Variants in CWC22 observed in about 807,000 individuals in gnomAD.
CWC22 encodes the protein pre-mRNA-splicing factor CWC22 homolog.
In CWC22, 53 loss-of-function variants were observed where a neutral mutation model predicts 117.2. The ratio of observed to expected loss-of-function variants is 0.45; its 90% CI spans 0.36 to 0.57. The LOEUF (loss-of-function observed/expected upper bound fraction) is 0.57. CWC22 is among the 20% of genes least tolerant of loss of function. CWC22 has a pLI of 0.00. For synonymous variants in CWC22, 360 were observed against 355.6 expected, an observed-to-expected ratio of 1.01 and a Z score of -0.14; for missense variants, 980 against 1,068.8, an observed-to-expected ratio of 0.92 and a Z score of 1.16.
chr2:179,992,295 A>G (rs1687587755), intron 2 of CWC22, among the ~76,000 whole-genome samples: 1 of 152,134 alleles, frequency 6.6e-6, no homozygotes, highest in Non-Finnish European at 1.5e-5. Flanking sequence ...ACAGTTTCGA[A>G]AGCAGATGGA....
chr2:179,954,392 A>T (rs778749747), intron 15 of CWC22, 35 bp from the exon 16 acceptor site: 1 of 1,320,760 alleles, frequency 7.6e-7, no homozygotes, highest in South Asian at 1.4e-5. Flanking sequence ...TTAAAAATTG[A>T]ATGTTAATAC....
chr2:179,993,263 T>C (rs912266105), intron 2 of CWC22, 52 bp downstream of exon 2: 10 of 1,236,592 alleles, frequency 8.1e-6, no homozygotes, highest in Non-Finnish European at 1.0e-5. Flanking sequence ...ATTTAAAGAA[T>C]AGGTAATTGA....
intron 19 of CWC22, among the ~76,000 whole-genome samples, chr2:179,946,464 A>AAG (rs1553556646): frequency 8.8e-4 from 81 of 92,486 alleles, no homozygotes; most frequent in African/African-American, 2.9e-3. Flanking sequence ...AAAAAAAAAA[A>AAG]GGGGGGGGGG....
At chr2:179,992,920 C>T (rs1165708887) in intron 2 of CWC22, among the ~76,000 whole-genome samples, 1 of 152,160 alleles carries the variant, frequency 6.6e-6, no homozygotes, top group Non-Finnish European at 1.5e-5. Context: ...AGAAATTTCC[C>T]TGCACTGTTT....
At chr2:179,977,739 G>A (rs1355370663) in intron 6 of CWC22, among the ~76,000 whole-genome samples, 1 of 152,066 alleles carries the variant, frequency 6.6e-6, no homozygotes, top group East Asian at 1.9e-4. Flanking sequence ...AAAAATGACA[G>A]GCATGTGAAT....
At chr2:180,000,957 TA>T (rs772258077) in intron 1 of CWC22, among the ~76,000 whole-genome samples, 178 of 152,188 alleles carry the variant, frequency 1.2e-3, no homozygotes, top group Non-Finnish European at 8.5e-4. Context: ...GCTGTTTAAG[TA>T]ACCAAATAAA....
chr2:179,946,368 T>C (rs796334487), intron 19 of CWC22, among the ~76,000 whole-genome samples: 34 of 146,426 alleles, frequency 2.3e-4, no homozygotes, highest in African/African-American at 5.1e-4. Flanking sequence ...GGAGGATCAA[T>C]TGAGCCTGGG....
intron 19 of CWC22, among the ~76,000 whole-genome samples, chr2:179,948,429 T>G (rs1686363547): frequency 6.6e-6 from 1 of 151,968 alleles, no homozygotes; most frequent in Admixed American, 6.6e-5. Context: ...GATGTTAAAA[T>G]TAGTGAGTAA....
chr2:179,999,507 G>A (rs921197003), intron 1 of CWC22, among the ~76,000 whole-genome samples: 5 of 152,056 alleles, frequency 3.3e-5, no homozygotes, highest in African/African-American at 1.2e-4. Context: ...ATATAAGTAC[G>A]TCAGACTGTT....
At chr2:179,953,684 G>A (rs1378749288) in intron 16 of CWC22, among the ~76,000 whole-genome samples, 1 of 152,048 alleles carries the variant, frequency 6.6e-6, no homozygotes, top group Non-Finnish European at 1.5e-5. Flanking sequence ...TCCCTATCAA[G>A]AATATATCTT....
intron 1 of CWC22, among the ~76,000 whole-genome samples, chr2:179,995,814 C>T (rs1687683691): frequency 6.6e-6 from 1 of 152,186 alleles, no homozygotes; most frequent in South Asian, 2.1e-4. Context: ...GCAGTCTGTA[C>T]CACGCAAGGG....
rs563858299 is a variant in CWC22 at position 179,951,328 on chromosome 2, T to A, written c.1818-402A>T. On this transcript the variant is annotated intron_variant, in intron 17 of 19. Transcript: ENST00000410053. ...GTATGTACACGTACACACACATACA[T>A]AGAACTGTGCCAAGTACTGGGGGAG... 2.1e-3 allele frequency among the ~76,000 whole-genome samples: 320 copies of A among 152,106 alleles called. 3 individuals are homozygous for A. The highest frequency in any genetic ancestry group is 3.1e-3 in the Non-Finnish European group (208 of 67,972).
chr2:179,965,224 T>C (rs559767861), intron 12 of CWC22, among the ~76,000 whole-genome samples: 31 of 152,324 alleles, frequency 2.0e-4, no homozygotes, highest in African/African-American at 5.5e-4. Context: ...AGAAGAAGAA[T>C]TGTACTATAA....
rs764386101 is a variant in CWC22, at chr2:179,950,541, G to GA, written c.2110dup (p.Ser704PhefsTer5). 13 of 1,612,134 alleles carry GA rather than the reference G, an allele frequency of 8.1e-6. No homozygotes were observed. Among genetic ancestry groups the GA allele is most frequent in the Middle Eastern group, 1.7e-4 (1 of 6,028 alleles). On this transcript the variant is annotated frameshift_variant, in exon 19 of 20. Coordinates refer to ENST00000410053, the MANE Select transcript of CWC22 (RefSeq NM_020943.3). LOFTEE classifies it high-confidence loss of function. ...GGCAGAGCTATGACTACTGATGGATGAAGAGTCGCTCTCTTCACTGGAAGA... is the reference window on the plus strand; with the variant it reads ...GGCAGAGCTATGACTACTGATGGATGAAAGAGTCGCTCTCTTCACTGGAAGA...
In CWC22 at chr2:179,955,047, A is replaced by C; in HGVS notation, c.1459-13T>G. ...TGCAGAGTTCTTTCTATTTGGGAAAAAAAATACATTAATGATTCAAAACAC... is the reference window on the plus strand; with the variant it reads ...TGCAGAGTTCTTTCTATTTGGGAAACAAAATACATTAATGATTCAAAACAC... On this transcript the variant is annotated splice_polypyrimidine_tract_variant and intron_variant, in intron 14 of 19. Transcript: ENST00000410053. 6.5e-7 allele frequency: 1 copy of C among 1,548,050 alleles called. No individual in the cohort carries two copies. Among genetic ancestry groups the C allele is most frequent in the Non-Finnish European group, 8.8e-7 (1 of 1,130,768 alleles).
At chr2:179,995,411 A>G (rs1687674910) in intron 1 of CWC22, among the ~76,000 whole-genome samples, 1 of 152,212 alleles carries the variant, frequency 6.6e-6, no homozygotes, top group South Asian at 2.1e-4. Context: ...CCATCTTAAT[A>G]AGCCTATGTT....
At chr2:179,968,078 A>G (rs542270727) in intron 11 of CWC22, among the ~76,000 whole-genome samples, 1 of 152,318 alleles carries the variant, frequency 6.6e-6, no homozygotes, top group East Asian at 1.9e-4. Flanking sequence ...CTATCTAGGT[A>G]TTATATCAAC....
At chr2:179,962,540 CTGTT>C (rs995622130) in intron 13 of CWC22, among the ~76,000 whole-genome samples, 38 of 152,270 alleles carry the variant, frequency 2.5e-4, no homozygotes, top group African/African-American at 7.9e-4. Flanking sequence ...TTACATCACA[CTGTT>C]TGCTCACATT....
In CWC22 at chr2:179,952,493, G is replaced by A; in HGVS notation, c.1795C>T (p.Leu599Phe). ...ELCEYMGLPK[L>F]NARLKDETLQ... ...TACTCATCCTTTAATCTTGCATTAA[G>A]TTTAGGAAGACCCATGTATTCACAC... The change falls in exon 17 of 20, where the codon CTT becomes TTT. Residue 599 changes from leucine to phenylalanine, a missense_variant. By Grantham distance (22) the Leu-to-Phe change is conservative. Around this residue, in one of 3 missense-constraint regions of CWC22, gnomAD observed 115 missense variants for 169.8 expected, o/e 0.68. Transcript: ENST00000410053. 6.4e-7 allele frequency: 1 copy of A among 1,569,074 alleles called. No individual in the cohort carries two copies. Among genetic ancestry groups the A allele is most frequent in the Non-Finnish European group, 8.6e-7 (1 of 1,156,628 alleles).
Sources: gnomAD v4.1 joint callset for allele counts (sites outside exome capture counted in the v4.1 genomes callset) on GRCh38, gnomAD v4.1.1 for gene constraint, gnomAD v4.1.1 regional missense constraint, MANE v1.5 for transcripts, NCBI Gene and HGNC (gene_info 2026-07-23, HGNC 2026-07-21) for gene names.